NDUFA10: variants seen among roughly 807,000 people sequenced by gnomAD.
The protein encoded by NDUFA10 is NADH dehydrogenase [ubiquinone] 1 alpha subcomplex subunit 10, mitochondrial.
NDUFA10 carries 40 observed loss-of-function variants against 47.8 expected under a neutral mutation model. That is an observed-to-expected ratio of 0.84 (90% CI 0.65 to 1.09). The LOEUF (loss-of-function observed/expected upper bound fraction) is 1.09, where lower values mean the gene tolerates loss of function less well. Ranked by LOEUF, NDUFA10 falls within the 50% of genes least tolerant of loss-of-function variation. The pLI is 0.00. For synonymous variants in NDUFA10, 183 were observed against 172.2 expected, an observed-to-expected ratio of 1.06 and a Z score of -0.49; for missense variants, 413 against 451.1, an observed-to-expected ratio of 0.92 and a Z score of 0.76.
rs1171212167 is a variant in NDUFA10, at chr2:239,989,242, G to GC, written c.999+831dup. 2.6e-5 allele frequency among the ~76,000 whole-genome samples: 4 copies of GC among 152,192 alleles called. No homozygotes were observed. In the East Asian group the frequency reaches 7.7e-4, roughly 29 times the overall value. On this transcript the variant is annotated intron_variant, in intron 9 of 9. Coordinates refer to ENST00000252711, the MANE Select transcript of NDUFA10 (RefSeq NM_004544.4). ...CCAAAAAATTTACTTAAAAGAAAAT[G>GC]CCAAGTAGAGTAAGAAAGCAAGCAA...
At chr2:239,916,420 A>T (rs1421652818) in intron 4 of NDUFA10, among the ~76,000 whole-genome samples, 1 of 150,912 alleles carries the variant, frequency 6.6e-6, no homozygotes, top group Non-Finnish European at 1.5e-5. Flanking sequence ...AGTAGCGCAC[A>T]CACACAGACA....
rs1694096348 is a variant in NDUFA10 at position 239,928,137 on chromosome 2, G to A, written c.295-32823C>T. ...AGCCCCCACCACAAACGCGAGTAAG[G>A]AGCAGAAGGTCTGTACAAAGATTCC... On this transcript the variant is annotated intron_variant, in intron 4 of 5. Coordinates refer to the NDUFA10 transcript ENST00000419408. The surrounding 1 kb of genome is among the most constrained non-coding windows in gnomAD (Gnocchi z 4.3). Among the ~76,000 whole-genome samples, 1 of 151,730 alleles carries A rather than the reference G, an allele frequency of 6.6e-6. No individual in the cohort carries two copies. The highest frequency in any genetic ancestry group is 1.5e-5 in the Non-Finnish European group (1 of 67,970).
chr2:239,972,939 A>T (rs956042407), intron 9 of NDUFA10, among the ~76,000 whole-genome samples: 1 of 152,230 alleles, frequency 6.6e-6, no homozygotes, highest in Admixed American at 6.5e-5. Flanking sequence ...TGCATGTAAG[A>T]CAGTATCTTA....
At chr2:239,998,917 T>C (rs1696592676) in intron 8 of NDUFA10, among the ~76,000 whole-genome samples, 1 of 152,174 alleles carries the variant, frequency 6.6e-6, no homozygotes, top group South Asian at 2.1e-4. Flanking sequence ...TGATAAATCT[T>C]ATTCTGAACA....
intron 4 of NDUFA10, among the ~76,000 whole-genome samples, chr2:239,919,059 G>T (rs13426306): frequency 1.3e-5 from 2 of 152,098 alleles, no homozygotes; most frequent in Non-Finnish European, 2.9e-5. Context: ...GGTGGCACTT[G>T]TCTCTCCAGG....
chr2:240,005,331 C>A, intron 7 of NDUFA10, 36 bp from the exon 8 acceptor site: 1 of 1,534,996 alleles, frequency 6.5e-7, no homozygotes, highest in Non-Finnish European at 9.0e-7. Flanking sequence ...AACAGAGAAC[C>A]CCATTTTAGA....
chr2:239,985,785 C>T (rs1284636855), intron 9 of NDUFA10, among the ~76,000 whole-genome samples: 1 of 151,994 alleles, frequency 6.6e-6, no homozygotes, highest in African/African-American at 2.4e-5. Flanking sequence ...GTGGCGCATG[C>T]CTGTAGTCCC....
intron 4 of NDUFA10, among the ~76,000 whole-genome samples, chr2:239,940,686 T>C (rs1694345838): frequency 6.6e-6 from 1 of 152,222 alleles, no homozygotes; most frequent in African/African-American, 2.4e-5. Flanking sequence ...AGACAGATGT[T>C]ATCACCAGTT....
chr2:240,014,317 C>T (rs543924036), intron 5 of NDUFA10: 7 of 285,504 alleles, frequency 2.5e-5, no homozygotes, highest in Admixed American at 4.8e-5. Context: ...GGGAGAGGCA[C>T]GATTTGCGTT....
At chr2:239,979,037 C>T (rs1348345701) in intron 9 of NDUFA10, among the ~76,000 whole-genome samples, 1 of 152,158 alleles carries the variant, frequency 6.6e-6, no homozygotes, top group East Asian at 1.9e-4. Flanking sequence ...GAAATTAGCT[C>T]AGACACAGGG....
chr2:239,968,195 C>T (rs542470424), intron 9 of NDUFA10, among the ~76,000 whole-genome samples: 9 of 152,272 alleles, frequency 5.9e-5, no homozygotes, highest in Admixed American at 3.9e-4. Context: ...GTGGAGAAAT[C>T]CTACCTGACC....
intron 4 of NDUFA10, among the ~76,000 whole-genome samples, chr2:239,931,860 G>C (rs551313588): frequency 1.1e-5 from 1 of 92,778 alleles, no homozygotes; most frequent in East Asian, 4.1e-4. Context: ...TTTTGAGACG[G>C]AGTCTCGCTC....
chr2:239,919,624 G>C (rs1165686988), intron 4 of NDUFA10, among the ~76,000 whole-genome samples: 1 of 152,200 alleles, frequency 6.6e-6, no homozygotes, highest in African/African-American at 2.4e-5. Context: ...GGTGATTTTA[G>C]CATTCTTCCT....
intron 9 of NDUFA10, among the ~76,000 whole-genome samples, chr2:239,979,417 G>C (rs1395303112): frequency 6.6e-6 from 1 of 152,166 alleles, no homozygotes; most frequent in East Asian, 1.9e-4. Context: ...GTCCGGTGAG[G>C]AAAGGCCACC....
chr2:239,983,703 A>G, intron 9 of NDUFA10: 1 of 1,570,488 alleles, frequency 6.4e-7, no homozygotes, highest in Non-Finnish European at 8.6e-7. Context: ...CAAAACACAC[A>G]GTCCAATCTA....
chr2:239,902,068 G>C (rs1222235028), intron 4 of NDUFA10, among the ~76,000 whole-genome samples: 4 of 152,138 alleles, frequency 2.6e-5, no homozygotes, highest in Non-Finnish European at 4.4e-5. Context: ...GACAACAAAG[G>C]ATTCTGAATA....
chr2:239,930,455 G>T (rs372451977), intron 4 of NDUFA10, among the ~76,000 whole-genome samples: 1 of 151,468 alleles, frequency 6.6e-6, no homozygotes, highest in Non-Finnish European at 1.5e-5. Context: ...TCGCCACTTC[G>T]CCGAGAGAAA....
chr2:239,940,625 A>T (rs1694344934), intron 4 of NDUFA10, among the ~76,000 whole-genome samples: 1 of 152,258 alleles, frequency 6.6e-6, no homozygotes, highest in South Asian at 2.1e-4. Flanking sequence ...ATAGAAATAT[A>T]AAAAGGAACA....
intron 7 of NDUFA10, 63 bp from the exon 8 acceptor site, chr2:240,005,358 C>G (rs769768638): frequency 5.7e-6 from 8 of 1,393,482 alleles, no homozygotes; most frequent in Non-Finnish European, 8.2e-6. Flanking sequence ...AATGAAATAA[C>G]TTTTTTTTGA....
Sources: gnomAD v4.1 joint callset for allele counts (sites outside exome capture counted in the v4.1 genomes callset) on GRCh38, gnomAD v4.1.1 for gene constraint, Gnocchi (gnomAD v3.1) non-coding constraint, MANE v1.5 for transcripts, NCBI Gene and HGNC (gene_info 2026-07-23, HGNC 2026-07-21) for gene names.